Variants in LTBP1 observed in about 807,000 individuals in gnomAD.
LTBP1 encodes the protein latent-transforming growth factor beta-binding protein 1.
Under a neutral mutation model 207.6 loss-of-function variants are expected in LTBP1, and 129 were observed. The observed-to-expected ratio is 0.62, with a 90% CI of 0.54 to 0.72. The LOEUF is 0.72. LTBP1 is among the 30% of genes least tolerant of loss of function. LTBP1 has a pLI of 0.00. For synonymous variants in LTBP1, 963 were observed against 833.7 expected, an observed-to-expected ratio of 1.16 and a Z score of -2.67; for missense variants, 2,281 against 2,217.2, an observed-to-expected ratio of 1.03 and a Z score of -0.58.
rs1025326290 is a variant in LTBP1, at chr2:33,275,890, G to A, written c.2959G>A (p.Gly987Arg). ...CTTCCGGTGTGAATACTGTGACAGC[G>A]GGTACCGCATGACTCAGAGAGGCCG... ...GAFRCEYCDS[G>R]YRMTQRGRCE... Residue 987 changes from glycine (G) to arginine (R), a missense_variant, in exon 18 of 34, where the codon GGG becomes AGG. This residue lies in a region of LTBP1 where 1,671 missense variants were observed against 1,634.8 expected (regional missense o/e 1.02). Coordinates refer to ENST00000404816, the MANE Select transcript of LTBP1 (RefSeq NM_206943.4). The A allele has an allele frequency of 5.6e-6, 9 of 1,607,708 alleles. No individual in the cohort carries two copies. The highest frequency in any genetic ancestry group is 4.0e-5 in the African/African-American group (3 of 74,992).
chr2:33,347,601 TAAG>T (rs2094721432), intron 26 of LTBP1, 91 bp downstream of exon 26: 2 of 1,486,664 alleles, frequency 1.3e-6, no homozygotes, highest in Admixed American at 1.8e-5. Flanking sequence ...GGGAGTGAGA[TAAG>T]AAGCAGCCAG....
chr2:33,027,025 C>T (rs909823466), intron 3 of LTBP1, among the ~76,000 whole-genome samples: 24 of 152,148 alleles, frequency 1.6e-4, no homozygotes, highest in Admixed American at 1.1e-3. Flanking sequence ...GTAAATAATA[C>T]GGTGTGTTTT....
chr2:33,038,146 T>C (rs2076014074), intron 3 of LTBP1, among the ~76,000 whole-genome samples: 1 of 152,238 alleles, frequency 6.6e-6, no homozygotes, highest in African/African-American at 2.4e-5. Context: ...ATTGTTTTGA[T>C]CACTCAGATA....
At chr2:33,072,356 A>T (rs2077833787) in intron 3 of LTBP1, among the ~76,000 whole-genome samples, 1 of 151,894 alleles carries the variant, frequency 6.6e-6, no homozygotes, top group Non-Finnish European at 1.5e-5. Flanking sequence ...TTTTATGGAG[A>T]CTTCATTGGA....
intron 20 of LTBP1, among the ~76,000 whole-genome samples, chr2:33,297,638 G>A (rs1397683797): frequency 1.3e-5 from 2 of 152,022 alleles, no homozygotes; most frequent in Admixed American, 1.3e-4. Flanking sequence ...CACCATGTTA[G>A]CCAGAATGGT....
rs1310923454 is a variant in LTBP1 at position 33,196,687 on chromosome 2, C to T, written c.1701+7836C>T. Among the ~76,000 whole-genome samples, 4 of 152,262 alleles carry T rather than the reference C, an allele frequency of 2.6e-5. No homozygotes were observed. The East Asian group carries it at 7.7e-4, about 29-fold the overall frequency. On this transcript the variant is annotated intron_variant, in intron 7 of 33. Coordinates refer to ENST00000404816, the MANE Select transcript of LTBP1 (RefSeq NM_206943.4). ...TAAATAAATGCTAACTAAATAAATGCTCACCAGAGTTGATTTCTTGACCCT... is the reference window on the plus strand; with the variant it reads ...TAAATAAATGCTAACTAAATAAATGTTCACCAGAGTTGATTTCTTGACCCT...
At chr2:33,074,106 G>A (rs984338931) in intron 3 of LTBP1, among the ~76,000 whole-genome samples, 2 of 152,172 alleles carry the variant, frequency 1.3e-5, no homozygotes, top group Non-Finnish European at 2.9e-5. Context: ...AGTGCAGATC[G>A]TCCGAAACTG....
intron 2 of LTBP1, among the ~76,000 whole-genome samples, chr2:32,951,103 G>A (rs991451606): frequency 1.3e-5 from 2 of 152,138 alleles, no homozygotes; most frequent in African/African-American, 4.8e-5. Flanking sequence ...TTGCTATGTT[G>A]GTTTAATCTT....
intron 3 of LTBP1, among the ~76,000 whole-genome samples, chr2:33,053,580 G>A (rs1336486209): frequency 6.6e-6 from 1 of 151,952 alleles, no homozygotes; most frequent in Non-Finnish European, 1.5e-5. Context: ...CTTGATTAGA[G>A]GGGCCTGGCT....
At chr2:33,259,542 A>G in intron 12 of LTBP1, 46 bp from the exon 13 acceptor site, 1 of 1,384,142 alleles carries the variant, frequency 7.2e-7, no homozygotes, top group Non-Finnish European at 9.9e-7. Context: ...TAATAGACTG[A>G]ATTGTCTTAA....
chr2:33,088,308 T>G (rs1055109092), intron 3 of LTBP1, among the ~76,000 whole-genome samples: 3 of 152,074 alleles, frequency 2.0e-5, no homozygotes, highest in African/African-American at 7.2e-5. Context: ...AAAAATTAGC[T>G]AGGCATGGTG....
At chr2:33,012,630 C>A (rs917273397) in intron 2 of LTBP1, among the ~76,000 whole-genome samples, 6 of 152,174 alleles carry the variant, frequency 3.9e-5, no homozygotes, top group Admixed American at 3.9e-4. Context: ...AGAAATTTGT[C>A]TCCATCTTTT....
At chr2:33,210,654 C>G (rs1558820581) in intron 7 of LTBP1, among the ~76,000 whole-genome samples, 1 of 152,120 alleles carries the variant, frequency 6.6e-6, no homozygotes, top group South Asian at 2.1e-4. Flanking sequence ...ATTTGGAAAA[C>G]CCTCCATGGT....
At chr2:33,382,939 C>T (rs2150427525) in intron 31 of LTBP1, among the ~76,000 whole-genome samples, 1 of 152,350 alleles carries the variant, frequency 6.6e-6, no homozygotes, top group Non-Finnish European at 1.5e-5. Context: ...TCCAGTCTCA[C>T]AGTATTGTGG....
intron 22 of LTBP1, among the ~76,000 whole-genome samples, chr2:33,302,950 T>TACACAC (rs70938396): frequency 1.2e-3 from 178 of 144,898 alleles, no homozygotes; most frequent in African/African-American, 2.7e-3. Context: ...CTAATATTTT[T>TACACAC]ACACACACAC....
intron 25 of LTBP1, among the ~76,000 whole-genome samples, chr2:33,345,231 A>G (rs1018415329): frequency 6.6e-6 from 1 of 152,178 alleles, no homozygotes; most frequent in Non-Finnish European, 1.5e-5. Flanking sequence ...CTGCTGTTCC[A>G]TGCTTTCACT....
At chr2:33,063,526 TG>T (rs1303698286) in intron 3 of LTBP1, among the ~76,000 whole-genome samples, 1 of 152,192 alleles carries the variant, frequency 6.6e-6, no homozygotes, top group Non-Finnish European at 1.5e-5. Flanking sequence ...TAACATTTAA[TG>T]GGCTTGTTAA....
intron 26 of LTBP1, 24 bp from the exon 27 acceptor site, chr2:33,360,573 C>G: frequency 6.4e-7 from 1 of 1,550,666 alleles, no homozygotes; most frequent in African/African-American, 1.4e-5. Flanking sequence ...CCTATTGTCA[C>G]TCTACTTTCT....
chr2:33,337,436 T>C (rs1345268613), intron 24 of LTBP1, among the ~76,000 whole-genome samples: 1 of 152,246 alleles, frequency 6.6e-6, no homozygotes. Flanking sequence ...GACATTTATG[T>C]AATTTTTTAT....
Sources: gnomAD v4.1 joint callset for allele counts (sites outside exome capture counted in the v4.1 genomes callset) on GRCh38, gnomAD v4.1.1 for gene constraint, gnomAD v4.1.1 regional missense constraint, MANE v1.5 for transcripts, NCBI Gene and HGNC (gene_info 2026-07-23, HGNC 2026-07-21) for gene names.